TRPS1: variants seen among roughly 807,000 people sequenced by gnomAD.
The protein encoded by TRPS1 is zinc finger transcription factor Trps1.
A neutral mutation model predicts 101.2 loss-of-function variants in TRPS1; 6 were observed. That is an observed-to-expected ratio of 0.06 (90% confidence interval 0.03 to 0.12). The LOEUF (loss-of-function observed/expected upper bound fraction) is 0.12. Ranked by LOEUF, TRPS1 falls within the 10% of genes least tolerant of loss-of-function variation. TRPS1 has a pLI of 1.00. For missense variants in TRPS1, 1,363 were observed against 1,567.0 expected (o/e 0.87, Z 2.20); for synonymous variants, 578 against 589.8 (o/e 0.98, Z 0.29).
intron 5 of TRPS1, among the ~76,000 whole-genome samples, chr8:115,446,406 C>T (rs1189470877): frequency 6.6e-6 from 1 of 151,378 alleles, no homozygotes; most frequent in Non-Finnish European, 1.5e-5. Context: ...CAGCTGCTTC[C>T]AATTACCTGC....
At chr8:115,546,567 G>C (rs917544714) in intron 5 of TRPS1, among the ~76,000 whole-genome samples, 8 of 1,696 alleles carry the variant, frequency 4.7e-3, no homozygotes, top group Non-Finnish European at 7.5e-3. Flanking sequence ...GTAACTCTCT[G>C]GCATGTAAAA....
rs1812850891 is a variant in TRPS1, at chr8:115,414,056, T to C, written c.3852A>G (p.Ala1284=). Reference sequence around the variant, plus strand: ...TAGGTTTTCCATTTTTTTCCACTTGTGCATTGTTCCTATGCAGGCCCCTCT... The same window carrying C: ...TAGGTTTTCCATTTTTTTCCACTTGCGCATTGTTCCTATGCAGGCCCCTCT... ...HIQRGLHRNN[A]QVEKNGKPKE The change falls in exon 7 of 7, where the codon GCA becomes GCG. Residue 1284 remains alanine, a synonymous_variant. Coordinates refer to ENST00000395715, the MANE Select transcript of TRPS1 (RefSeq NM_014112.5). The surrounding 1 kb of genome is among the most constrained non-coding windows in gnomAD (Gnocchi z 4.8). The C allele has an allele frequency of 3.1e-6, 5 of 1,613,688 alleles. No homozygotes were observed. Among genetic ancestry groups the C allele is most frequent in the Non-Finnish European group, 4.2e-6 (5 of 1,179,804 alleles).
intron 5 of TRPS1, among the ~76,000 whole-genome samples, chr8:115,511,666 A>G (rs1815587584): frequency 6.6e-6 from 1 of 151,940 alleles, no homozygotes; most frequent in Non-Finnish European, 1.5e-5. Context: ...GTTTCCCCAA[A>G]GGGCAACTGA....
At chr8:115,609,490 A>G (rs1214269696) in intron 3 of TRPS1, among the ~76,000 whole-genome samples, 1 of 152,198 alleles carries the variant, frequency 6.6e-6, no homozygotes, top group Non-Finnish European at 1.5e-5. Flanking sequence ...TGAATGAACG[A>G]AGGGAGATGT....
intron 4 of TRPS1, among the ~76,000 whole-genome samples, chr8:115,603,281 G>A (rs1219434123): frequency 6.6e-6 from 1 of 152,190 alleles, no homozygotes; most frequent in Non-Finnish European, 1.5e-5. Context: ...AACTCAAGCA[G>A]TTTTACCTGC....
chr8:115,647,998 T>C (rs1418447225), intron 1 of TRPS1, among the ~76,000 whole-genome samples: 2 of 152,114 alleles, frequency 1.3e-5, no homozygotes, highest in Non-Finnish European at 2.9e-5. Flanking sequence ...CTCTTACAGT[T>C]TGCCCAATGA....
intron 5 of TRPS1, among the ~76,000 whole-genome samples, chr8:115,533,436 G>GTTTTTTTTTATTTTTTTTTTTTTTTT (rs1816188753): frequency 2.9e-5 from 1 of 34,986 alleles, no homozygotes; most frequent in Non-Finnish European, 5.3e-5. Flanking sequence ...CATGTAATCT[G>GTTTTTTTTTATTTTTTTTTTTTTTTT]TTTTTTTTTT....
At chr8:115,429,586 C>G (rs766563756) in intron 5 of TRPS1, among the ~76,000 whole-genome samples, 1 of 152,128 alleles carries the variant, frequency 6.6e-6, no homozygotes, top group African/African-American at 2.4e-5. Context: ...CCAAAAGGAA[C>G]AGTTAAAGCT....
rs780965642 is a variant in TRPS1 at position 115,418,297 on chromosome 8, A to T, written c.2823+33T>A. ...AGACCAGGCCAACACTGCTTTATAA[A>T]GCTTTTCCTGAAAGAGTGGAACAAG... On this transcript the variant is annotated intron_variant, in intron 6 of 6. Transcript: ENST00000395715. This position sits in a 1 kb window ranked among gnomAD's most constrained non-coding sequence, Gnocchi z 4.3. 9.3e-6 allele frequency: 15 copies of T among 1,613,904 alleles called. No individual in the cohort carries two copies. The highest frequency in any genetic ancestry group is 1.1e-5 in the Non-Finnish European group (13 of 1,179,902).
intron 5 of TRPS1, among the ~76,000 whole-genome samples, chr8:115,481,240 CA>C (rs1195352736): frequency 2.0e-5 from 3 of 152,002 alleles, no homozygotes; most frequent in African/African-American, 7.2e-5. Flanking sequence ...TGGTTGCCAC[CA>C]AAAATTAATG....
At chr8:115,468,088 A>G (rs967642808) in intron 5 of TRPS1, among the ~76,000 whole-genome samples, 2 of 152,166 alleles carry the variant, frequency 1.3e-5, no homozygotes, top group Non-Finnish European at 2.9e-5. Flanking sequence ...TTTGTTTCTG[A>G]GTTTCAATTT....
chr8:115,575,884 G>T (rs1395317444), intron 5 of TRPS1, among the ~76,000 whole-genome samples: 1 of 152,086 alleles, frequency 6.6e-6, no homozygotes, highest in Non-Finnish European at 1.5e-5. Flanking sequence ...TAATGAAACA[G>T]CTGGGATTAG....
At chr8:115,618,984 A>G in intron 3 of TRPS1, 148 bp downstream of exon 3, 2 of 752,416 alleles carry the variant, frequency 2.7e-6, no homozygotes, top group Admixed American at 5.0e-5. Context: ...TACTTGTATG[A>G]AGTAGCTATG....
At position 115,464,675 on chromosome 8, in the gene TRPS1, A is replaced by T. The variant is rs1013552499; in HGVS notation, c.2701-46223T>A. On this transcript the variant is annotated intron_variant, in intron 5 of 6. Transcript: ENST00000395715. ...ACTTTACTCATTTTTGTAATACAACACTGGTTACTGGAAAATGCCTTACAG... is the reference window on the plus strand; with the variant it reads ...ACTTTACTCATTTTTGTAATACAACTCTGGTTACTGGAAAATGCCTTACAG... Among the ~76,000 whole-genome samples the T allele has an allele frequency of 6.6e-5, 10 of 152,240 alleles. No homozygotes were observed. The South Asian group carries it at 1.7e-3, about 25-fold the overall frequency.
At chr8:115,579,579 C>T (rs1817396083) in intron 5 of TRPS1, among the ~76,000 whole-genome samples, 1 of 151,774 alleles carries the variant, frequency 6.6e-6, no homozygotes, top group African/African-American at 2.4e-5. Context: ...CCATTTTGTA[C>T]CTAAATTCTC....
intron 1 of TRPS1, among the ~76,000 whole-genome samples, chr8:115,629,035 T>C (rs1195542567): frequency 6.6e-6 from 1 of 151,824 alleles, no homozygotes; most frequent in Non-Finnish European, 1.5e-5. Flanking sequence ...CATAGTGCCA[T>C]TTAGCCAACA....
At chr8:115,427,895 G>C (rs899375092) in intron 5 of TRPS1, among the ~76,000 whole-genome samples, 2 of 152,008 alleles carry the variant, frequency 1.3e-5, no homozygotes, top group Non-Finnish European at 2.9e-5. Flanking sequence ...ATCCTGCTGT[G>C]TCAAAAAAAA....
At chr8:115,421,998 G>C (rs926850124) in intron 5 of TRPS1, among the ~76,000 whole-genome samples, 1 of 152,092 alleles carries the variant, frequency 6.6e-6, no homozygotes, top group Non-Finnish European at 1.5e-5. Context: ...AAGCACTAAC[G>C]ATCTTATTTC....
chr8:115,591,722 A>C (rs1263177029), intron 4 of TRPS1, among the ~76,000 whole-genome samples: 1 of 152,176 alleles, frequency 6.6e-6, no homozygotes, highest in African/African-American at 2.4e-5. Flanking sequence ...AAGGAAACAG[A>C]AAGTGCAGGG....
Sources: gnomAD v4.1 joint callset for allele counts (sites outside exome capture counted in the v4.1 genomes callset) on GRCh38, gnomAD v4.1.1 for gene constraint, Gnocchi (gnomAD v3.1) non-coding constraint, MANE v1.5 for transcripts, NCBI Gene and HGNC (gene_info 2026-07-23, HGNC 2026-07-21) for gene names.